The following DMD variants were observed in gnomAD, a reference collection of about 807,000 sequenced individuals.
DMD encodes dystrophin.
Under a neutral mutation model 330.1 loss-of-function variants are expected in DMD, and 63 were observed. The observed-to-expected ratio is 0.19, with a 90% CI of 0.16 to 0.24. DMD has a LOEUF of 0.24. DMD is among the 10% of genes least tolerant of loss of function. DMD has a pLI of 1.00. For missense variants in DMD, 3,344 were observed against 2,684.1 expected (o/e 1.25, Z -5.43); for synonymous variants, 1,223 against 959.8 (o/e 1.27, Z -5.07).
chrX:31,891,896 G>A (rs1259411739), intron 47 of DMD, among the ~76,000 whole-genome samples: 5 of 111,757 alleles, frequency 4.5e-5, no homozygotes, highest in Non-Finnish European at 9.4e-5. Context: ...TTCAATGTAC[G>A]AGAAATAAAA....
At chrX:31,206,743 G>A (rs1238052801) in intron 65 of DMD, 76 bp from the exon 66 acceptor site, 2 of 845,802 alleles carry the variant, frequency 2.4e-6, no homozygotes, top group African/African-American at 4.0e-5. Context: ...TAAGAATAAA[G>A]CCTTGAAAAG....
chrX:32,500,114 G>C (rs973566122), intron 19 of DMD, among the ~76,000 whole-genome samples: 1 of 110,347 alleles, frequency 9.1e-6, no homozygotes, highest in African/African-American at 3.3e-5. Context: ...AACCAAACAG[G>C]AATGTCTCAA....
Position 33,016,733 on chromosome X carries a change from A to C in DMD, c.93+3406T>G, listed in dbSNP as rs1421754264. On this transcript the variant is annotated intron_variant, in intron 2 of 78. Transcript: ENST00000357033. ...CATATCACTCATTGGGAGATAGTTT[A>C]TCTCTCTCAATTGAGCTGGCAGTAA... 6.3e-5 allele frequency among the ~76,000 whole-genome samples: 7 copies of C among 111,996 alleles called. No individual in the cohort carries two copies. In the East Asian group the frequency reaches 8.4e-4, roughly 13 times the overall value.
rs1358540038 is a variant in DMD, at chrX:33,115,534, T to C, written c.32-95334A>G. Among the ~76,000 whole-genome samples the C allele has an allele frequency of 2.8e-5, 3 of 107,886 alleles. No individual in the cohort carries two copies. In the East Asian group the frequency reaches 8.9e-4, roughly 32 times the overall value. The allele number at this position is 107,886 out of a possible 115,157, so 93.7% of individuals were successfully genotyped here. A position where few individuals can be genotyped will look rare whatever the true frequency, so the allele number is the denominator to read the frequency against. Reference sequence around the variant, plus strand: ...ACATTTCTTTTTTTTTTTTTCGAGATGGAGTCTCGCTCTGTGGCCCAGGCT... The same window carrying C: ...ACATTTCTTTTTTTTTTTTTCGAGACGGAGTCTCGCTCTGTGGCCCAGGCT... On this transcript the variant is annotated intron_variant, in intron 1 of 78. Coordinates refer to ENST00000357033, the MANE Select transcript of DMD (RefSeq NM_004006.3).
chrX:31,796,557 T>C (rs908804628), intron 50 of DMD, among the ~76,000 whole-genome samples: 1 of 112,188 alleles, frequency 8.9e-6, no homozygotes, highest in African/African-American at 3.2e-5. Flanking sequence ...GAGTTTGGAA[T>C]TGAAGAGAGA....
intron 60 of DMD, among the ~76,000 whole-genome samples, chrX:31,365,460 C>T (rs992747022): frequency 2.9e-4 from 32 of 112,035 alleles, no homozygotes; most frequent in Middle Eastern, 4.6e-3. Context: ...TTGACCAGAG[C>T]TGCTGGGGAT....
chrX:32,457,640 C>T (rs1159492014), intron 25 of DMD, among the ~76,000 whole-genome samples: 1 of 109,501 alleles, frequency 9.1e-6, no homozygotes, highest in East Asian at 2.9e-4. Flanking sequence ...AGCTTATATG[C>T]AGGTCAGTGG....
rs1456760714 is a variant in DMD at position 32,463,425 on chromosome X, G to C, written c.3432+14C>G. The stretch of plus-strand genomic sequence containing the variant: ...TACGTTGAGGCAAGCCACAGTGAAA[G>C]AGATTGTCTATACCTGTTGGCACAT... On this transcript the variant is annotated intron_variant, in intron 25 of 78. Transcript: ENST00000357033. 1 of 1,191,211 alleles carries C rather than the reference G, an allele frequency of 8.4e-7. No individual in the cohort carries two copies. Among genetic ancestry groups the C allele is most frequent in the Non-Finnish European group, 1.1e-6 (1 of 884,536 alleles).
intron 44 of DMD, among the ~76,000 whole-genome samples, chrX:31,985,916 C>T (rs1483106263): frequency 9.0e-6 from 1 of 111,700 alleles, no homozygotes; most frequent in African/African-American, 3.3e-5. Flanking sequence ...GTTACTGAAA[C>T]GGGAGATGCA....
At chrX:32,320,507 T>G (rs2097607453) in intron 41 of DMD, among the ~76,000 whole-genome samples, 1 of 111,757 alleles carries the variant, frequency 8.9e-6, no homozygotes, top group Non-Finnish European at 1.9e-5. Flanking sequence ...TATTGGACAG[T>G]GTAGATATAG....
intron 16 of DMD, among the ~76,000 whole-genome samples, chrX:32,560,092 C>A (rs1056513564): frequency 4.6e-5 from 5 of 108,866 alleles, no homozygotes; most frequent in Non-Finnish European, 9.5e-5. Flanking sequence ...GATATTTGAA[C>A]CTTAATAAGT....
At chrX:32,588,833 G>C (rs936402230) in intron 13 of DMD, among the ~76,000 whole-genome samples, 2 of 112,092 alleles carry the variant, frequency 1.8e-5, no homozygotes, top group African/African-American at 6.5e-5. Flanking sequence ...GGATGAATTT[G>C]GGGATGACTC....
rs2075052647 is a variant in DMD, at chrX:31,559,432, G to C, written c.8218-51979C>G. ...CCGAGACGGGCGGATCACGAGGTCA[G>C]GAGATCGAGACCATCCTGGCTAACA... On this transcript the variant is annotated intron_variant, in intron 55 of 78. Coordinates refer to ENST00000357033, the MANE Select transcript of DMD (RefSeq NM_004006.3). Among the ~76,000 whole-genome samples, 2 of 95,528 alleles carry C rather than the reference G, an allele frequency of 2.1e-5. 1 individual carries two copies. The highest frequency in any genetic ancestry group is 8.7e-5 in the African/African-American group (2 of 23,097). 83.0% of individuals were successfully genotyped at this position (95,528 alleles called of 115,157 possible).
rs368461878 is a variant in DMD, at chrX:31,875,982, A to G, written c.6913-609T>C. Among the ~76,000 whole-genome samples the G allele has an allele frequency of 2.7e-4, 30 of 112,728 alleles. 1 individual carries two copies. In the East Asian group the frequency reaches 7.2e-3, roughly 27 times the overall value. On this transcript the variant is annotated intron_variant, in intron 47 of 78. Coordinates refer to ENST00000357033, the MANE Select transcript of DMD (RefSeq NM_004006.3). ...AAGGAAGTCCCTTCATGTACAAGGA[A>G]AATTGGTAAGTTATGCGTTTTTGTG...
rs148590546 is a variant in DMD at position 31,146,376 on chromosome X, G to A, written c.10836C>T (p.Ser3612=). ...ACCTCTGTAGAGAGGTAGAAGGAGA[G>A]GACACCGTTGTGCCATTCACTTTGG... ...AEAKVNGTTV[S]SPSTSLQRSD... The change falls in exon 76 of 79, where the codon TCC becomes TCT. Residue 3612 remains serine (S), a synonymous_variant. Coordinates refer to ENST00000357033, the MANE Select transcript of DMD (RefSeq NM_004006.3). 6.0e-5 allele frequency: 73 copies of A among 1,208,893 alleles called. No homozygotes were observed. The African/African-American group carries it at 1.3e-3, about 21-fold the overall frequency.
chrX:32,599,857 C>A (rs1014752072), intron 12 of DMD, among the ~76,000 whole-genome samples: 4 of 111,479 alleles, frequency 3.6e-5, no homozygotes, highest in African/African-American at 1.3e-4. Context: ...ATTTCATTAC[C>A]ATTATTAGAT....
At chrX:31,435,119 A>G (rs771171742) in intron 60 of DMD, among the ~76,000 whole-genome samples, 2 of 110,913 alleles carry the variant, frequency 1.8e-5, no homozygotes, top group Non-Finnish European at 3.8e-5. Context: ...TGGGCTCCTC[A>G]TTTTTCTAAC....
intron 2 of DMD, among the ~76,000 whole-genome samples, chrX:32,983,007 CAGAA>C (rs773234883): frequency 1.1e-3 from 123 of 112,037 alleles, no homozygotes; most frequent in African/African-American, 3.8e-3. Flanking sequence ...ATTGTAGTTT[CAGAA>C]AGAGTTAGCT....
At chrX:32,781,125 G>GAAAAAAA (rs59738615) in intron 7 of DMD, among the ~76,000 whole-genome samples, 1 of 57,040 alleles carries the variant, frequency 1.8e-5, no homozygotes. Context: ...CTCAAAAAAA[G>GAAAAAAA]AAAAAAAAAA....
Sources: gnomAD v4.1 joint callset for allele counts (sites outside exome capture counted in the v4.1 genomes callset) on GRCh38, gnomAD v4.1.1 for gene constraint, MANE v1.5 for transcripts, NCBI Gene and HGNC (gene_info 2026-07-23, HGNC 2026-07-21) for gene names.